Variants in GRB10 observed in about 807,000 individuals in gnomAD.
GRB10 encodes growth factor receptor bound protein 10.
GRB10 carries 20 observed loss-of-function variants against 80.9 expected under a neutral mutation model. That is an observed-to-expected ratio of 0.25 (90% confidence interval 0.17 to 0.36). The LOEUF is 0.36. GRB10 is among the 10% of genes least tolerant of loss of function. GRB10 has a pLI of 1.00. For missense variants in GRB10, 548 were observed against 747.7 expected, an observed-to-expected ratio of 0.73 and a Z score of 3.12; for synonymous variants, 291 against 291.5, an observed-to-expected ratio of 1.00 and a Z score of 0.02.
In GRB10 at chr7:50,598,780, G is replaced by A. The variant is rs547226378; in HGVS notation, c.1545-3250C>T. ...CTGGGGATAACACCTCTCTTTCTGC[G>A]GTTGGGAGAAGGGAAAGCTTCAAAG... is the stretch of plus-strand genomic sequence containing the variant. On this transcript the variant is annotated intron_variant, in intron 17 of 18. Transcript: ENST00000401949. Among the ~76,000 whole-genome samples, 11 of 152,314 alleles carry A rather than the reference G, an allele frequency of 7.2e-5. No individual in the cohort carries two copies. The South Asian group carries it at 1.2e-3, about 17-fold the overall frequency.
chr7:50,772,327 C>T (rs141961900), intron 2 of GRB10, among the ~76,000 whole-genome samples: 33 of 152,336 alleles, frequency 2.2e-4, no homozygotes, highest in African/African-American at 7.5e-4. Context: ...AACTCCCCAG[C>T]CACCTCGTTC....
intron 5 of GRB10, among the ~76,000 whole-genome samples, chr7:50,683,128 GAAT>G (rs1450553924): frequency 8.5e-5 from 13 of 152,256 alleles, no homozygotes; most frequent in African/African-American, 2.9e-4. Context: ...ACACACAATG[GAAT>G]ATTATTCAGC....
intron 4 of GRB10, among the ~76,000 whole-genome samples, chr7:50,721,253 G>A (rs1281319633): frequency 6.6e-6 from 1 of 152,158 alleles, no homozygotes; most frequent in Non-Finnish European, 1.5e-5. Flanking sequence ...TAATTCATCA[G>A]TTTCACACTG....
chr7:50,740,787 C>A (rs1318944901), intron 3 of GRB10, among the ~76,000 whole-genome samples: 1 of 151,358 alleles, frequency 6.6e-6, no homozygotes, highest in Admixed American at 6.6e-5. Context: ...TGTCAGTCAT[C>A]CAATTCTCCT....
At chr7:50,757,083 C>T (rs2075188408) in intron 2 of GRB10, among the ~76,000 whole-genome samples, 2 of 152,152 alleles carry the variant, frequency 1.3e-5, no homozygotes, top group Non-Finnish European at 2.9e-5. Flanking sequence ...AAGTCCTGGG[C>T]CCAGATATAA....
At chr7:50,701,410 A>G (rs1278017013) in intron 5 of GRB10, among the ~76,000 whole-genome samples, 2 of 152,076 alleles carry the variant, frequency 1.3e-5, no homozygotes, top group South Asian at 4.2e-4. Context: ...TGGGAAGCCT[A>G]GCAAGGACCT....
At chr7:50,783,699 G>GA (rs2078547301), upstream of GRB10, among the ~76,000 whole-genome samples, 1 of 152,238 alleles carries the variant, frequency 6.6e-6, no homozygotes, top group Non-Finnish European at 1.5e-5. Flanking sequence ...AACATGGTAG[G>GA]AAAAGCTAGA....
chr7:50,679,143 G>A (rs1236333505), intron 5 of GRB10, among the ~76,000 whole-genome samples: 3 of 152,154 alleles, frequency 2.0e-5, no homozygotes, highest in Admixed American at 2.0e-4. Context: ...AAATAACCCA[G>A]TCCAAAACTG....
At chr7:50,671,762 C>T (rs973333043) in intron 6 of GRB10, among the ~76,000 whole-genome samples, 1 of 152,234 alleles carries the variant, frequency 6.6e-6, no homozygotes, top group Non-Finnish European at 1.5e-5. Flanking sequence ...TTTTAGTGTC[C>T]ACAAAAGCTT....
At chr7:50,690,438 A>G (rs752530841) in intron 5 of GRB10, among the ~76,000 whole-genome samples, 12 of 152,226 alleles carry the variant, frequency 7.9e-5, no homozygotes, top group Non-Finnish European at 1.3e-4. Flanking sequence ...TACCTAGGGG[A>G]AATTTAAAAG....
chr7:50,594,671 T>A (rs35221222), intron 18 of GRB10, among the ~76,000 whole-genome samples: 3 of 152,334 alleles, frequency 2.0e-5, no homozygotes, highest in Non-Finnish European at 1.5e-5. Flanking sequence ...TTGTGTATTG[T>A]ATTCTCAACT....
chr7:50,722,591 G>A (rs767548717), intron 4 of GRB10, among the ~76,000 whole-genome samples: 8 of 152,206 alleles, frequency 5.3e-5, no homozygotes, highest in Admixed American at 2.0e-4. Context: ...GGAGTCCAGG[G>A]TGAAGAGGTG....
intron 5 of GRB10, among the ~76,000 whole-genome samples, chr7:50,684,592 GA>G (rs11353197): frequency 0.18 from 27,828 of 151,946 alleles, 4,030 homozygotes; most frequent in African/African-American, 0.39. Context: ...TACAACACAG[GA>G]AAACAAATTT....
intron 5 of GRB10, among the ~76,000 whole-genome samples, chr7:50,701,222 A>G (rs2064167962): frequency 1.3e-5 from 2 of 152,280 alleles, no homozygotes; most frequent in Non-Finnish European, 2.9e-5. Flanking sequence ...TACACAATTG[A>G]TTATTCATCA....
chr7:50,713,623 T>C (rs200504969), intron 4 of GRB10, among the ~76,000 whole-genome samples: 1 of 114,454 alleles, frequency 8.7e-6, no homozygotes, highest in Admixed American at 8.8e-5. Flanking sequence ...CTCCACCTCC[T>C]CCACCATCAC....
chr7:50,764,120 A>G (rs1270602322), intron 2 of GRB10, among the ~76,000 whole-genome samples: 1 of 151,732 alleles, frequency 6.6e-6, no homozygotes, highest in Non-Finnish European at 1.5e-5. Flanking sequence ...ATTTTTTCAA[A>G]CACCTGTGGC....
At chr7:50,667,163 TA>T (rs745774739) in intron 7 of GRB10, among the ~76,000 whole-genome samples, 1 of 152,290 alleles carries the variant, frequency 6.6e-6, no homozygotes, top group Non-Finnish European at 1.5e-5. Context: ...CATGGAAGTT[TA>T]AATATCTCTA....
chr7:50,737,647 A>G (rs1468668008), intron 3 of GRB10, among the ~76,000 whole-genome samples: 1 of 152,200 alleles, frequency 6.6e-6, no homozygotes, highest in Non-Finnish European at 1.5e-5. Context: ...TCAGGAGTTC[A>G]AGACCAGCCT....
chr7:50,728,512 GC>G (rs1349861575), intron 4 of GRB10, among the ~76,000 whole-genome samples: 1 of 151,982 alleles, frequency 6.6e-6, no homozygotes, highest in East Asian at 1.9e-4. Context: ...ATACAAGGAG[GC>G]CCCCTTGAGC....
Sources: allele counts gnomAD v4.1 joint callset (sites outside exome capture counted in the v4.1 genomes callset), GRCh38; gene constraint gnomAD v4.1.1; transcripts MANE v1.5; gene names NCBI Gene and HGNC (gene_info 2026-07-23, HGNC 2026-07-21).